The following SCO1 variants were observed in gnomAD, a reference collection of about 807,000 sequenced individuals.
SCO1 encodes the protein cytochrome c oxidase assembly factor SCO1.
In SCO1, 23 loss-of-function variants were observed where a neutral mutation model predicts 34.0. The ratio of observed to expected loss-of-function variants is 0.68; its 90% CI spans 0.49 to 0.96. The LOEUF (loss-of-function observed/expected upper bound fraction) is 0.96. Among genes scored for constraint, SCO1 ranks in the 40% least tolerant of loss-of-function variants. The pLI is 0.00. For synonymous variants in SCO1, 161 were observed against 145.5 expected (o/e 1.11, Z -0.77); for missense variants, 404 against 381.6 (o/e 1.06, Z -0.49).
At chr17:10,693,491 C>T (rs940714422) in intron 2 of SCO1, among the ~76,000 whole-genome samples, 4 of 152,112 alleles carry the variant, frequency 2.6e-5, no homozygotes, top group African/African-American at 9.7e-5. Flanking sequence ...TAGGCTGAAC[C>T]CTGCAGTACT....
intron 1 of SCO1, 116 bp downstream of exon 1, chr17:10,697,119 A>G (rs1161885107): frequency 9.7e-7 from 1 of 1,032,614 alleles, no homozygotes; most frequent in African/African-American, 1.6e-5. Context: ...CGCGCAAGCT[A>G]AGGACAACTT....
At chr17:10,681,319 T>C (rs1398101300) in intron 5 of SCO1, 66 bp from the exon 6 acceptor site, 1 of 1,529,060 alleles carries the variant, frequency 6.5e-7, no homozygotes, top group African/African-American at 1.4e-5. Flanking sequence ...TTACTGAATG[T>C]ATGCTGCAAG....
In SCO1 at chr17:10,692,827, T is replaced by C; in HGVS notation, c.499A>G (p.Thr167Ala). ...GQWLLIYFGF[T>A]HCPDVCPEEL... Reference sequence around the variant, plus strand: ...TCTGGACAGACATCAGGGCAATGAGTGAAGCCAAAATAAATCAATAACCAC... The same window carrying C: ...TCTGGACAGACATCAGGGCAATGAGCGAAGCCAAAATAAATCAATAACCAC... The change falls in exon 3 of 6, where the codon ACT (threonine) becomes GCT (alanine). Residue 167 changes from threonine to alanine, a missense_variant. Thr to Ala is a moderately conservative substitution (Grantham distance 58). Coordinates refer to ENST00000255390, the MANE Select transcript of SCO1 (RefSeq NM_004589.4). 1 of 1,614,140 alleles carries C rather than the reference T, an allele frequency of 6.2e-7. No homozygotes were observed. Among genetic ancestry groups the C allele is most frequent in the Non-Finnish European group, 8.5e-7 (1 of 1,180,008 alleles).
At chr17:10,694,648 G>C (rs906676535) in intron 2 of SCO1, among the ~76,000 whole-genome samples, 4 of 152,170 alleles carry the variant, frequency 2.6e-5, no homozygotes, top group African/African-American at 9.6e-5. Flanking sequence ...AGACTTTTCA[G>C]ATTATTTAAT....
chr17:10,695,056 T>C (rs1465958976), intron 2 of SCO1, among the ~76,000 whole-genome samples: 2 of 152,224 alleles, frequency 1.3e-5, no homozygotes, highest in Admixed American at 6.5e-5. Context: ...AAATGCAAAG[T>C]TCTTATAAAT....
At position 10,673,714 on chromosome 17, in the gene SCO1, C is replaced by T. The variant is rs1333278924; in HGVS notation, c.*7405G>A. ...TCAATTGAGTATTTGAGAATGCCTA[C>T]ATGGAAAGACTGCACTGAGCCCCGA... On this transcript the variant is annotated 3_prime_UTR_variant, in exon 6 of 6. Transcript: ENST00000255390. 1 of 152,180 alleles carries T rather than the reference C, an allele frequency of 6.6e-6. No homozygotes were observed. The highest frequency in any genetic ancestry group is 1.9e-4 in the East Asian group (1 of 5,184). 9.4% of individuals were successfully genotyped at this position (152,180 alleles called of 1,614,324 possible). A position where few individuals can be genotyped will look rare whatever the true frequency, so the allele number is the denominator to read the frequency against.
intron 1 of SCO1, 41 bp from the exon 2 acceptor site, chr17:10,695,872 A>G (rs1469471087): frequency 2.8e-6 from 4 of 1,423,554 alleles, no homozygotes; most frequent in Non-Finnish European, 4.0e-6. Context: ...TTCTAGTAAG[A>G]TGCAAACATT....
chr17:10,681,155 A>C lies in SCO1; in HGVS notation c.870T>G (p.Ile290Met), dbSNP rs1185681768. Residue 290 changes from isoleucine to methionine, a missense_variant, in exon 6 of 6, where the codon ATT becomes ATG. Transcript: ENST00000255390. ...TTCTGTATGGCCTCATGTGTGTGGC[A>C]ATTGAAGCAGCTATTTCTCCCTTCC... ...NKRKGEIAAS[I>M]ATHMRPYRKK... 1.2e-6 allele frequency: 2 copies of C among 1,614,084 alleles called. No individual in the cohort carries two copies. The highest frequency in any genetic ancestry group is 1.7e-6 in the Non-Finnish European group (2 of 1,180,040).
intron 4 of SCO1, among the ~76,000 whole-genome samples, chr17:10,688,233 G>A (rs1191907052): frequency 6.6e-6 from 1 of 152,122 alleles, no homozygotes; most frequent in Non-Finnish European, 1.5e-5. Context: ...CCACAGACTG[G>A]CAGAAAATAT....
chr17:10,692,649 T>C (rs960505986), intron 3 of SCO1, 115 bp downstream of exon 3: 3 of 846,420 alleles, frequency 3.5e-6, no homozygotes, highest in African/African-American at 1.7e-5. Flanking sequence ...TGAGATTTTA[T>C]GTTCTTACAA....
chr17:10,697,515 G>C lies in SCO1; in HGVS notation c.-8C>G, dbSNP rs760177560. 6 of 1,612,974 alleles carry C rather than the reference G, an allele frequency of 3.7e-6. No individual in the cohort carries two copies. Among genetic ancestry groups the C allele is most frequent in the Non-Finnish European group, 5.1e-6 (6 of 1,179,858 alleles). On this transcript the variant is annotated 5_prime_UTR_variant, in exon 1 of 6. Transcript: ENST00000255390. ...TAGGACCAGCATCGCCATGAGCCTC[G>C]GAGACCGGGTCTCCTTTGACCCTCC... is the stretch of plus-strand genomic sequence containing the variant.
In SCO1 at chr17:10,676,217, G is replaced by C. The variant is rs1473501312; in HGVS notation, c.*4902C>G. 6.6e-6 allele frequency: 1 copy of C among 152,088 alleles called. No homozygotes were observed. The highest frequency in any genetic ancestry group is 2.4e-5 in the African/African-American group (1 of 41,352). The allele number at this position is 152,088 out of a possible 1,614,324, so 9.4% of individuals were successfully genotyped here. A position where few individuals can be genotyped will look rare whatever the true frequency, so the allele number is the denominator to read the frequency against. On this transcript the variant is annotated 3_prime_UTR_variant, in exon 6 of 6. Coordinates refer to ENST00000255390, the MANE Select transcript of SCO1 (RefSeq NM_004589.4). ...CACGATTCTCCTACCTCAGCCTCCC[G>C]AGTAGCTGGGATTACAGGCACCCGC...
chr17:10,696,850 A>G (rs1024140070), intron 1 of SCO1, among the ~76,000 whole-genome samples: 2 of 152,282 alleles, frequency 1.3e-5, no homozygotes, highest in East Asian at 3.9e-4. Flanking sequence ...CAACGTATAC[A>G]TGGAACTCTG....
intron 5 of SCO1, among the ~76,000 whole-genome samples, chr17:10,683,318 C>T (rs2074633764): frequency 6.6e-6 from 1 of 152,102 alleles, no homozygotes; most frequent in Admixed American, 6.5e-5. Context: ...AGATTATACA[C>T]AGTAGTTAAA....
intron 3 of SCO1, 37 bp downstream of exon 3, chr17:10,692,727 A>C (rs753778273): frequency 6.4e-7 from 1 of 1,551,692 alleles, no homozygotes; most frequent in East Asian, 2.2e-5. Flanking sequence ...ACATGAAGTA[A>C]ACATATACTT....
rs751806074 is a variant in SCO1 at position 10,697,524 on chromosome 17, G to C, written c.-17C>G. 7.4e-6 allele frequency: 12 copies of C among 1,612,870 alleles called. No homozygotes were observed. Among genetic ancestry groups the C allele is most frequent in the South Asian group, 1.1e-5 (1 of 90,942 alleles). The stretch of plus-strand genomic sequence containing the variant: ...CATCGCCATGAGCCTCGGAGACCGG[G>C]TCTCCTTTGACCCTCCCCGCGATTT... On this transcript the variant is annotated 5_prime_UTR_variant, in exon 1 of 6. Transcript: ENST00000255390.
chr17:10,685,264 A>G (rs574073028), intron 5 of SCO1, among the ~76,000 whole-genome samples: 61 of 152,332 alleles, frequency 4.0e-4, no homozygotes, highest in African/African-American at 1.4e-3. Flanking sequence ...CTTCACAGCT[A>G]GAAAGGCTCT....
chr17:10,697,112 G>C, intron 1 of SCO1, 123 bp downstream of exon 1: 1 of 953,926 alleles, frequency 1.0e-6, no homozygotes, highest in Non-Finnish European at 1.5e-6. Flanking sequence ...GGTAAGGCGC[G>C]CAAGCTAAGG....
intron 3 of SCO1, 101 bp from the exon 4 acceptor site, chr17:10,692,065 G>A: frequency 1.2e-6 from 1 of 835,846 alleles, no homozygotes; most frequent in South Asian, 1.4e-5. Flanking sequence ...ACAGCTAGGT[G>A]TTTTGAAAGC....
Sources: gnomAD v4.1 joint callset for allele counts (sites outside exome capture counted in the v4.1 genomes callset) on GRCh38, gnomAD v4.1.1 for gene constraint, MANE v1.5 for transcripts, NCBI Gene and HGNC (gene_info 2026-07-23, HGNC 2026-07-21) for gene names.